BRINP3: variants seen among roughly 807,000 people sequenced by gnomAD.
BRINP3 encodes the protein BMP/retinoic acid inducible neural specific 3.
A neutral mutation model predicts 71.0 loss-of-function variants in BRINP3; 19 were observed. That is an observed-to-expected ratio of 0.27 (90% CI 0.19 to 0.39). The LOEUF is 0.39. Among genes scored for constraint, BRINP3 ranks in the 10% least tolerant of loss-of-function variants. BRINP3 has a pLI of 1.00. For synonymous variants in BRINP3, 380 were observed against 337.7 expected (o/e 1.13, Z -1.37); for missense variants, 959 against 940.8 (o/e 1.02, Z -0.25).
intron 7 of BRINP3, among the ~76,000 whole-genome samples, chr1:190,117,181 A>T (rs1395584565): frequency 6.6e-6 from 1 of 152,076 alleles, no homozygotes; most frequent in Non-Finnish European, 1.5e-5. Flanking sequence ...GCATCTTGTT[A>T]AAGGCTTTAT....
intron 2 of BRINP3, among the ~76,000 whole-genome samples, chr1:190,400,203 T>A (rs995110379): frequency 2.0e-5 from 3 of 152,082 alleles, no homozygotes; most frequent in Non-Finnish European, 4.4e-5. Context: ...AACCTCAAAC[T>A]GGAGGTCTGT....
chr1:190,193,534 C>T (rs1211140796), intron 6 of BRINP3, among the ~76,000 whole-genome samples: 2 of 151,946 alleles, frequency 1.3e-5, no homozygotes, highest in Non-Finnish European at 2.9e-5. Context: ...ATGTACTAAT[C>T]CCTGGAACTT....
chr1:190,185,182 G>A (rs1454845100), intron 6 of BRINP3, among the ~76,000 whole-genome samples: 1 of 152,044 alleles, frequency 6.6e-6, no homozygotes, highest in African/African-American at 2.4e-5. Flanking sequence ...CATAGAATGG[G>A]AGAAAATATT....
chr1:190,181,182 T>C (rs1295829430), intron 6 of BRINP3, among the ~76,000 whole-genome samples: 1 of 152,124 alleles, frequency 6.6e-6, no homozygotes, highest in African/African-American at 2.4e-5. Context: ...ATTGGCTTTT[T>C]TCTTTACTTA....
chr1:190,257,276 A>T (rs1181120982), intron 4 of BRINP3, among the ~76,000 whole-genome samples: 1 of 152,152 alleles, frequency 6.6e-6, no homozygotes, highest in African/African-American at 2.4e-5. Flanking sequence ...ACTTGATCAA[A>T]TTGGCTAGTG....
intron 2 of BRINP3, among the ~76,000 whole-genome samples, chr1:190,415,637 C>T (rs1010736885): frequency 6.6e-6 from 1 of 152,134 alleles, no homozygotes; most frequent in African/African-American, 2.4e-5. Flanking sequence ...GGCACAGTGG[C>T]TCCTGTCTGT....
rs376899135 is a variant in BRINP3, at chr1:190,320,964, T to TAC, written c.237-39216_237-39215dup. Among the ~76,000 whole-genome samples the TAC allele has an allele frequency of 4.1e-4, 62 of 151,168 alleles. No homozygotes were observed. In the South Asian group the frequency reaches 4.2e-3, roughly 10 times the overall value. On this transcript the variant is annotated intron_variant, in intron 2 of 7. Coordinates refer to ENST00000367462, the MANE Select transcript of BRINP3 (RefSeq NM_199051.3). ...TATATGTATATATGTTATATATATA[T>TAC]ACACACACACACACGTATGTATATG...
chr1:190,346,363 G>C (rs914541177), intron 2 of BRINP3, among the ~76,000 whole-genome samples: 2 of 151,996 alleles, frequency 1.3e-5, no homozygotes, highest in African/African-American at 4.8e-5. Flanking sequence ...GAAGGCAAGT[G>C]CTTTGTTAAT....
chr1:190,337,831 T>C (rs1318711045), intron 2 of BRINP3, among the ~76,000 whole-genome samples: 2 of 152,102 alleles, frequency 1.3e-5, no homozygotes, highest in Non-Finnish European at 2.9e-5. Context: ...AATACAGACA[T>C]GGACTTGGAT....
intron 2 of BRINP3, among the ~76,000 whole-genome samples, chr1:190,380,569 GAA>G (rs1670483730): frequency 6.6e-6 from 1 of 152,080 alleles, no homozygotes; most frequent in Non-Finnish European, 1.5e-5. Context: ...TTAGGTTTCA[GAA>G]AAGACATCCT....
At chr1:190,213,794 A>C (rs1251121479) in intron 6 of BRINP3, among the ~76,000 whole-genome samples, 1 of 152,078 alleles carries the variant, frequency 6.6e-6, no homozygotes, top group African/African-American at 2.4e-5. Context: ...GTGGAAAAAC[A>C]GCAAATGGGG....
intron 2 of BRINP3, among the ~76,000 whole-genome samples, chr1:190,285,824 T>G (rs1420735111): frequency 6.6e-6 from 1 of 152,098 alleles, no homozygotes; most frequent in African/African-American, 2.4e-5. Context: ...GAGCGCTGAA[T>G]TAAAAACATG....
At chr1:190,342,030 T>G (rs1667691705) in intron 2 of BRINP3, among the ~76,000 whole-genome samples, 2 of 151,452 alleles carry the variant, frequency 1.3e-5, no homozygotes, top group Non-Finnish European at 3.0e-5. Flanking sequence ...TTTTTGCAGT[T>G]TCTAGAGTAC....
Position 190,412,470 on chromosome 1 carries a change from T to TGTTTTG in BRINP3, c.236+42184_236+42185insCAAAAC, listed in dbSNP as rs373736271. Among the ~76,000 whole-genome samples, 405 of 142,296 alleles carry TGTTTTG rather than the reference T, an allele frequency of 2.8e-3. 5 individuals are homozygous for TGTTTTG. Among genetic ancestry groups the TGTTTTG allele is most frequent in the South Asian group, 0.016 (73 of 4,586 alleles). 93.4% of individuals were successfully genotyped at this position (142,296 alleles called of 152,430 possible). A position where few individuals can be genotyped will look rare whatever the true frequency, so the allele number is the denominator to read the frequency against. Reference sequence around the variant, plus strand: ...TGTTTTGTTTTGTTTTTTTTTGTTTTTTTTTTTTTTGAGACGGAGTCTCGC... The same window carrying TGTTTTG: ...TGTTTTGTTTTGTTTTTTTTTGTTTTGTTTTGTTTTTTTTTTGAGACGGAGTCTCGC... On this transcript the variant is annotated intron_variant, in intron 2 of 7. Coordinates refer to ENST00000367462, the MANE Select transcript of BRINP3 (RefSeq NM_199051.3).
chr1:190,126,754 T>G (rs1277663250), intron 7 of BRINP3, among the ~76,000 whole-genome samples: 1 of 151,954 alleles, frequency 6.6e-6, no homozygotes, highest in Non-Finnish European at 1.5e-5. Flanking sequence ...GCTTATTTCC[T>G]TCATAGATTT....
intron 2 of BRINP3, among the ~76,000 whole-genome samples, chr1:190,315,386 C>T (rs1665813549): frequency 6.6e-6 from 1 of 152,028 alleles, no homozygotes; most frequent in African/African-American, 2.4e-5. Context: ...GATATGGTCA[C>T]AGAGAGCAAT....
At chr1:190,289,484 G>T (rs1663690735) in intron 2 of BRINP3, among the ~76,000 whole-genome samples, 1 of 151,782 alleles carries the variant, frequency 6.6e-6, no homozygotes. Flanking sequence ...TAAATTTTCA[G>T]AAAAAGTATA....
chr1:190,146,020 A>T (rs376588563), intron 7 of BRINP3, among the ~76,000 whole-genome samples: 1 of 152,292 alleles, frequency 6.6e-6, no homozygotes, highest in African/African-American at 2.4e-5. Flanking sequence ...TTAAAGGCAT[A>T]AAAATGATAT....
At chr1:190,466,750 C>T (rs1040519943) in intron 1 of BRINP3, among the ~76,000 whole-genome samples, 4 of 151,496 alleles carry the variant, frequency 2.6e-5, no homozygotes, top group Non-Finnish European at 5.9e-5. Flanking sequence ...CTGTTTTATA[C>T]ACTAATATCT....
Sources: gnomAD v4.1 joint callset for allele counts (sites outside exome capture counted in the v4.1 genomes callset) on GRCh38, gnomAD v4.1.1 for gene constraint, MANE v1.5 for transcripts, NCBI Gene and HGNC (gene_info 2026-07-23, HGNC 2026-07-21) for gene names.